Variants in EIPR1 observed in about 807,000 individuals in gnomAD.
The protein encoded by EIPR1 is EARP complex and GARP complex interacting protein 1, also known as EARP and GARP complex-interacting protein 1.
Under a neutral mutation model 48.1 loss-of-function variants are expected in EIPR1, and 25 were observed. That is an observed-to-expected ratio of 0.52 (90% CI 0.38 to 0.73). EIPR1 has a LOEUF of 0.73. Ranked by LOEUF, EIPR1 falls within the 30% of genes least tolerant of loss-of-function variation. The pLI is 0.00. For synonymous variants in EIPR1, 204 were observed against 201.9 expected (o/e 1.01, Z -0.09); for missense variants, 415 against 506.2 (o/e 0.82, Z 1.73).
intron 3 of EIPR1, among the ~76,000 whole-genome samples, chr2:3,311,809 CG>C (rs553741048): frequency 4.8e-5 from 2 of 41,776 alleles, no homozygotes; most frequent in Non-Finnish European, 1.0e-4. Context: ...GGGTGCTGGG[CG>C]GGGGGGCTCT....
At position 3,336,556 on chromosome 2, in the gene EIPR1, T is replaced by C. The variant is rs183308597; in HGVS notation, c.259+1461A>G. ...GCCAAGGCAGGCGGATCACCTGAGG[T>C]CAAAAGTTCGAGACCAGCCTGGCCA... is the stretch of plus-strand genomic sequence containing the variant. On this transcript the variant is annotated intron_variant, in intron 3 of 8. Transcript: ENST00000382125. 8.2e-4 allele frequency among the ~76,000 whole-genome samples: 124 copies of C among 152,092 alleles called. 2 individuals carry two copies. The highest frequency in any genetic ancestry group is 2.8e-3 in the African/African-American group (115 of 41,484).
At chr2:3,296,564 C>A (rs1249594766) in intron 3 of EIPR1, among the ~76,000 whole-genome samples, 1 of 148,816 alleles carries the variant, frequency 6.7e-6, no homozygotes, top group African/African-American at 2.5e-5. Flanking sequence ...TGTATACACA[C>A]ACACACTCCA....
intron 2 of EIPR1, among the ~76,000 whole-genome samples, chr2:3,349,663 TGCTGGGAGATGGGGACAGGGAGGAC>T: frequency 6.7e-6 from 1 of 148,338 alleles, no homozygotes; most frequent in Non-Finnish European, 1.5e-5. Flanking sequence ...ACAGGGAGCA[TGCTGGGAGATGGGGACAGGGAGGAC>T]GCTGTGAGAT....
At chr2:3,267,152 C>G (rs1464117804) in intron 3 of EIPR1, among the ~76,000 whole-genome samples, 1 of 152,208 alleles carries the variant, frequency 6.6e-6, no homozygotes, top group African/African-American at 2.4e-5. Context: ...GTCAGTGTAT[C>G]CAACCTGCGG....
chr2:3,354,639 G>T lies in EIPR1; in HGVS notation c.43-6C>A. 6.2e-7 allele frequency: 1 copy of T among 1,613,822 alleles called. No individual in the cohort carries two copies. The highest frequency in any genetic ancestry group is 1.1e-5 in the South Asian group (1 of 91,022). On this transcript the variant is annotated splice_polypyrimidine_tract_variant and splice_region_variant and intron_variant, in intron 1 of 8. Transcript: ENST00000382125. ...TGAGGTGTTAAGGCACGTGCCTGCA[G>T]GAGGGAAGAAAAACACATGCACATT...
intron 2 of EIPR1, among the ~76,000 whole-genome samples, chr2:3,338,656 G>C (rs964984607): frequency 6.6e-6 from 1 of 152,200 alleles, no homozygotes; most frequent in African/African-American, 2.4e-5. Flanking sequence ...ATTAAGGTGG[G>C]AGAGAGTGAG....
chr2:3,328,215 A>AT (rs1212001539), intron 3 of EIPR1, among the ~76,000 whole-genome samples: 2 of 152,212 alleles, frequency 1.3e-5, no homozygotes, highest in Non-Finnish European at 2.9e-5. Flanking sequence ...CGGGAAGCAC[A>AT]TGAGTCTGCC....
intron 2 of EIPR1, among the ~76,000 whole-genome samples, chr2:3,345,481 C>T (rs1009862073): frequency 2.6e-5 from 4 of 151,678 alleles, no homozygotes; most frequent in Admixed American, 6.6e-5. Context: ...AAAAATTAGC[C>T]GGGCATGGTG....
intron 1 of EIPR1, among the ~76,000 whole-genome samples, chr2:3,365,640 G>C (rs900079671): frequency 4.7e-5 from 7 of 150,460 alleles, no homozygotes; most frequent in South Asian, 4.3e-4. Flanking sequence ...GCGGCCTTCC[G>C]CAGTGTTTGT....
chr2:3,277,195 C>T (rs1270309311), intron 3 of EIPR1, among the ~76,000 whole-genome samples: 1 of 150,680 alleles, frequency 6.6e-6, no homozygotes, highest in African/African-American at 2.5e-5. Flanking sequence ...CGCGGCCCCA[C>T]ACCTGTCTCC....
Position 3,209,082 on chromosome 2 carries a change from C to T in EIPR1, c.516+5067G>A, listed in dbSNP as rs1015930833. ...CTGGTGGGAAGGCAGGGTGTACACC[C>T]GTTCCATGTTTCTCTCACTAAGCAC... On this transcript the variant is annotated intron_variant, in intron 5 of 8. Coordinates refer to ENST00000382125, the MANE Select transcript of EIPR1 (RefSeq NM_003310.5). The T allele has an allele frequency of 1.8e-5, 26 of 1,408,124 alleles. No homozygotes were observed. The African/African-American group carries it at 2.6e-4, about 14-fold the overall frequency. The allele number at this position is 1,408,124 out of a possible 1,614,324, so 87.2% of individuals were successfully genotyped here. A position where few individuals can be genotyped will look rare whatever the true frequency, so the allele number is the denominator to read the frequency against.
chr2:3,370,921 C>T (rs1262603015), intron 1 of EIPR1, among the ~76,000 whole-genome samples: 1 of 151,992 alleles, frequency 6.6e-6, no homozygotes, highest in East Asian at 1.9e-4. Flanking sequence ...AGAGCAACTC[C>T]AAGACACATA....
chr2:3,250,120 C>A (rs917852860), intron 4 of EIPR1, among the ~76,000 whole-genome samples: 2 of 152,180 alleles, frequency 1.3e-5, no homozygotes, highest in African/African-American at 2.4e-5. Flanking sequence ...TAGGAAGGAA[C>A]CTTCTGCCCT....
Position 3,189,428 on chromosome 2 carries a change from G to T in EIPR1, c.1070C>A (p.Ser357Ter). Reference protein sequence around the residue: ...EDSVYAVDWSSADPWLFASLS... With the variant: ...EDSVYAVDWS The stretch of plus-strand genomic sequence containing the variant: ...GGAGGCAAACAGCCACGGGTCAGCC[G>T]AGGACCAGTCCACGGCATAGACGCT... Residue 357 changes from serine (S) to a stop codon, truncating the protein, a stop_gained, in exon 9 of 9, where the codon TCG becomes TAG. Coordinates refer to ENST00000382125, the MANE Select transcript of EIPR1 (RefSeq NM_003310.5). LOFTEE classifies it high-confidence loss of function. The surrounding 1 kb of genome is among the most constrained non-coding windows in gnomAD (Gnocchi z 4.6). The T allele has an allele frequency of 6.3e-7, 1 of 1,597,940 alleles. No homozygotes were observed. Among genetic ancestry groups the T allele is most frequent in the Non-Finnish European group, 8.5e-7 (1 of 1,171,698 alleles).
intron 3 of EIPR1, among the ~76,000 whole-genome samples, chr2:3,304,859 CTGCCATCCAGTTCAGCCCTCCAT>C (rs1558286245): frequency 7.6e-5 from 11 of 144,974 alleles, no homozygotes; most frequent in East Asian, 2.2e-4. Flanking sequence ...CAGCCCTCCA[CTGCCATCCAGTTCAGCCCTCCAT>C]TCCCGTCCAG....
intron 1 of EIPR1, among the ~76,000 whole-genome samples, chr2:3,372,064 C>G (rs1230597563): frequency 6.6e-6 from 1 of 151,646 alleles, no homozygotes; most frequent in Non-Finnish European, 1.5e-5. Context: ...AACTAGAACT[C>G]AGGATTAAGA....
rs146804985 is a variant in EIPR1 at position 3,229,571 on chromosome 2, C to T, written c.417-15323G>A. On this transcript the variant is annotated intron_variant, in intron 4 of 8. Coordinates refer to ENST00000382125, the MANE Select transcript of EIPR1 (RefSeq NM_003310.5). ...TAATGCTGTGTCTTTTCTTACATTTCTGCAACCAGGCTGTTGAATGTTCAC... is the reference window on the plus strand; with the variant it reads ...TAATGCTGTGTCTTTTCTTACATTTTTGCAACCAGGCTGTTGAATGTTCAC... 1.1e-4 allele frequency among the ~76,000 whole-genome samples: 16 copies of T among 152,352 alleles called. No homozygotes were observed. In the East Asian group the frequency reaches 3.1e-3, roughly 29 times the overall value.
At chr2:3,242,130 A>G (rs1666648634) in intron 4 of EIPR1, among the ~76,000 whole-genome samples, 1 of 152,212 alleles carries the variant, frequency 6.6e-6, no homozygotes, top group Admixed American at 6.5e-5. Context: ...GGCAGCACCC[A>G]CTGATGGCTG....
At chr2:3,205,899 C>A (rs1300260169) in intron 5 of EIPR1, among the ~76,000 whole-genome samples, 1 of 152,216 alleles carries the variant, frequency 6.6e-6, no homozygotes, top group African/African-American at 2.4e-5. Context: ...CCAGACAGTG[C>A]CTAGCACGTG....
Sources: allele counts gnomAD v4.1 joint callset (sites outside exome capture counted in the v4.1 genomes callset), GRCh38; gene constraint gnomAD v4.1.1; non-coding constraint Gnocchi (gnomAD v3.1); transcripts MANE v1.5; gene names NCBI Gene and HGNC (gene_info 2026-07-23, HGNC 2026-07-21).